Variants in IGSF9 observed in about 807,000 individuals in gnomAD.
IGSF9 encodes the protein protein turtle homolog A.
In IGSF9, 87 loss-of-function variants were observed where a neutral mutation model predicts 121.7. The ratio of observed to expected loss-of-function variants is 0.71; its 90% CI spans 0.60 to 0.85. IGSF9 has a LOEUF of 0.85. IGSF9 is among the 40% of genes least tolerant of loss of function. The pLI, the probability that IGSF9 is intolerant of heterozygous loss-of-function variation, is 0.00. For synonymous variants in IGSF9, 640 were observed against 648.4 expected (o/e 0.99, Z 0.20); for missense variants, 1,462 against 1,565.3 (o/e 0.93, Z 1.11).
chr1:159,937,162 C>A (rs1651219830), intron 4 of IGSF9, among the ~76,000 whole-genome samples: 1 of 152,198 alleles, frequency 6.6e-6, no homozygotes, highest in Non-Finnish European at 1.5e-5. Context: ...GCCAAGCCCC[C>A]TCAGGAGGAG....
rs1270865595 is a variant in IGSF9, at chr1:159,930,242, C to T, written c.2011G>A (p.Asp671Asn). ...RQGSQGWEVL[D>N]PAVAGTETEL... ...GTTTCTGTGCCTGCCACAGCCGGGTCCAGCACCTCCCAGCCCTGGGAGCCT... is the reference window on the plus strand; with the variant it reads ...GTTTCTGTGCCTGCCACAGCCGGGTTCAGCACCTCCCAGCCCTGGGAGCCT... The change falls in exon 15 of 21, where the codon GAC becomes AAC. Residue 671 changes from aspartate (D) to asparagine (N), a missense_variant. Coordinates refer to ENST00000368094, the MANE Select transcript of IGSF9 (RefSeq NM_001135050.2). The T allele has an allele frequency of 2.5e-6, 4 of 1,613,444 alleles. No homozygotes were observed. The highest frequency in any genetic ancestry group is 2.5e-6 in the Non-Finnish European group (3 of 1,179,796).
chr1:159,933,316 G>A (rs1651065945), intron 9 of IGSF9: 1 of 152,282 alleles, frequency 6.6e-6, no homozygotes, highest in East Asian at 1.9e-4. Flanking sequence ...ACAAATTCCA[G>A]TGGCTCCAAC....
rs1339963371 is a variant in IGSF9, at chr1:159,929,941, G to T, written c.2099C>A (p.Ala700Glu). The T allele has an allele frequency of 6.3e-7, 1 of 1,582,230 alleles. No individual in the cohort carries two copies. The highest frequency in any genetic ancestry group is 2.3e-5 in the East Asian group (1 of 42,996). Residue 700 changes from alanine to glutamate, a missense_variant, in exon 16 of 21, where the codon GCG (alanine) becomes GAG (glutamate). Around this residue, in one of 3 missense-constraint regions of IGSF9, gnomAD observed 808 missense variants for 815.2 expected, o/e 0.99. Transcript: ENST00000368094. ...GCTGGGGTCGCTGACGAAGCTGCCC[G>T]CGAAGGCCACGAGGCGGAACTCGTA... ...VLYEFRLVAF[A>E]GSFVSDPSNT...
intron 3 of IGSF9, among the ~76,000 whole-genome samples, chr1:159,938,465 C>T (rs1293211448): frequency 1.3e-5 from 2 of 152,182 alleles, no homozygotes; most frequent in African/African-American, 4.8e-5. Flanking sequence ...TGGCTGATCA[C>T]ATACACTTCC....
intron 3 of IGSF9, among the ~76,000 whole-genome samples, chr1:159,939,971 G>A (rs1042299524): frequency 3.9e-5 from 6 of 152,160 alleles, no homozygotes; most frequent in African/African-American, 1.2e-4. Flanking sequence ...AACCTCTTCT[G>A]TGTCCCACAT....
Position 159,928,869 on chromosome 1 carries a change from A to G in IGSF9, c.2519T>C (p.Leu840Ser). Residue 840 changes from leucine (L) to serine (S), a missense_variant, in exon 19 of 21, where the codon TTA (leucine) becomes TCA (serine). Physicochemically the swap from Leu to Ser is moderately radical, Grantham distance 145. Around this residue, in one of 3 missense-constraint regions of IGSF9, gnomAD observed 808 missense variants for 815.2 expected, o/e 0.99. Transcript: ENST00000368094. The part of the protein sequence containing the change: ...HPDPPSSRGP[L>S]PLEPICRGPD... ...GCCCCGGCAAATGGGCTCCAGAGGTAAGGGTCCCCGGCTAGATGGAGGATC... is the reference window on the plus strand; with the variant it reads ...GCCCCGGCAAATGGGCTCCAGAGGTGAGGGTCCCCGGCTAGATGGAGGATC... 6.3e-7 allele frequency: 1 copy of G among 1,590,408 alleles called. No individual in the cohort carries two copies. Among genetic ancestry groups the G allele is most frequent in the African/African-American group, 1.4e-5 (1 of 74,044 alleles).
At chr1:159,937,047 G>A (rs1021376996) in intron 4 of IGSF9, 139 bp from the exon 5 acceptor site, 3 of 800,296 alleles carry the variant, frequency 3.7e-6, no homozygotes, top group Admixed American at 5.4e-5. Context: ...TCAGCCCAGG[G>A]CCACCCTGTC....
rs1217403989 is a variant in IGSF9, at chr1:159,936,523, A to T, written c.556-7T>A. On this transcript the variant is annotated splice_region_variant and splice_polypyrimidine_tract_variant and intron_variant, in intron 5 of 20. Coordinates refer to ENST00000368094, the MANE Select transcript of IGSF9 (RefSeq NM_001135050.2). ...GCAGCGTCCCGTTCTGCACCTAGGGAAGGAGTGGGTGAGGAAGAGTCCTTT... is the reference window on the plus strand; with the variant it reads ...GCAGCGTCCCGTTCTGCACCTAGGGTAGGAGTGGGTGAGGAAGAGTCCTTT... 6.2e-7 allele frequency: 1 copy of T among 1,613,370 alleles called. No individual in the cohort carries two copies. The highest frequency in any genetic ancestry group is 8.5e-7 in the Non-Finnish European group (1 of 1,179,558).
At position 159,931,594 on chromosome 1, in the gene IGSF9, C is replaced by T. The variant is rs762089023; in HGVS notation, c.1372G>A (p.Gly458Arg). Residue 458 changes from glycine (G) to arginine (R), a missense_variant, in exon 12 of 21, where the codon GGG (glycine) becomes AGG (arginine). Physicochemically the swap from Gly to Arg is moderately radical, Grantham distance 125. Transcript: ENST00000368094. The surrounding 1 kb of genome is among the most constrained non-coding windows in gnomAD (Gnocchi z 4.8). ...PVVSWTKVGRGLQGQAQVDSN... is the reference protein window; with the variant it reads ...PVVSWTKVGRRLQGQAQVDSN... ...TCCACCTGGGCCTGGCCTTGCAGCC[C>T]CCGGCCCACCTACAGAACCACTGGT... 9 of 1,613,692 alleles carry T rather than the reference C, an allele frequency of 5.6e-6. No individual in the cohort carries two copies. The Admixed American group carries it at 1.3e-4, about 24-fold the overall frequency.
rs1407455298 is a variant in IGSF9, at chr1:159,937,692, C to T, written c.394G>A (p.Val132Ile). Residue 132 changes from valine to isoleucine, a missense_variant, in exon 4 of 21, where the codon GTC (valine) becomes ATC (isoleucine). Coordinates refer to ENST00000368094, the MANE Select transcript of IGSF9 (RefSeq NM_001135050.2). ...CTGCCCCCCAGCTTCATACAATTGA[C>T]TGTCAGATGCACCCAGGAGCCGTTA... Reference protein sequence around the residue: ...FANGSWVHLTVNSPPQFQETP... With the variant: ...FANGSWVHLTINSPPQFQETP... 1.2e-6 allele frequency: 2 copies of T among 1,613,636 alleles called. No individual in the cohort carries two copies. The highest frequency in any genetic ancestry group is 4.5e-5 in the East Asian group (2 of 44,866).
At chr1:159,940,191 TTTCC>T (rs1174277066) in intron 3 of IGSF9, among the ~76,000 whole-genome samples, 4 of 152,238 alleles carry the variant, frequency 2.6e-5, no homozygotes, top group African/African-American at 9.6e-5. Context: ...CGCGGCGTGC[TTTCC>T]ATGGACACGG....
Position 159,929,685 on chromosome 1 carries a change from A to G in IGSF9, c.2279T>C (p.Leu760Pro), listed in dbSNP as rs770743799. The change falls in exon 17 of 21, where the codon CTG becomes CCG. Residue 760 changes from leucine (L) to proline (P), a missense_variant. Leu to Pro is a moderately conservative substitution (Grantham distance 98). Around this residue, in one of 3 missense-constraint regions of IGSF9, gnomAD observed 808 missense variants for 815.2 expected, o/e 0.99. Coordinates refer to ENST00000368094, the MANE Select transcript of IGSF9 (RefSeq NM_001135050.2). ...GCGGCGGGCAGCCCTGCGCCGGTTC[A>G]GGAGGCAGCCGGCCAGGATGCTCAC... ...VLVSILAGCL[L>P]NRRRAARRRR... 7 of 1,597,326 alleles carry G rather than the reference A, an allele frequency of 4.4e-6. No homozygotes were observed. The Admixed American group carries it at 5.3e-5, about 12-fold the overall frequency.
chr1:159,934,374 C>T, intron 8 of IGSF9, 42 bp from the exon 9 acceptor site: 1 of 1,568,754 alleles, frequency 6.4e-7, no homozygotes. Flanking sequence ...GGGGCTTGGC[C>T]TGGCCCAGGG....
intron 1 of IGSF9, among the ~76,000 whole-genome samples, 200 bp downstream of exon 1, chr1:159,945,373 A>T (rs1045942998): frequency 2.7e-5 from 4 of 148,512 alleles, no homozygotes; most frequent in Admixed American, 6.7e-5. Context: ...ACTCCCCCAC[A>T]TTGCCTCCAG....
intron 3 of IGSF9, among the ~76,000 whole-genome samples, chr1:159,939,919 G>A (rs926356840): frequency 2.6e-5 from 4 of 152,138 alleles, no homozygotes; most frequent in African/African-American, 4.8e-5. Context: ...CCTCAAGAAA[G>A]CTAATCTGCC....
chr1:159,937,797 C>T lies in IGSF9; in HGVS notation c.289G>A (p.Gly97Ser). 1 of 1,614,106 alleles carries T rather than the reference C, an allele frequency of 6.2e-7. No individual in the cohort carries two copies. Among genetic ancestry groups the T allele is most frequent in the Non-Finnish European group, 8.5e-7 (1 of 1,179,980 alleles). The part of the protein sequence containing the change: ...LQKGASLQIE[G>S]LRVEDQGWYE... ...CAGCCCTGGTCTTCCACCCGGAGAC[C>T]CTCAATCTGGAGAGAGGCCCCCTTC... is the stretch of plus-strand genomic sequence containing the variant. The change falls in exon 4 of 21, where the codon GGT (glycine) becomes AGT (serine). Residue 97 changes from glycine (G) to serine (S), a missense_variant. Coordinates refer to ENST00000368094, the MANE Select transcript of IGSF9 (RefSeq NM_001135050.2).
rs539079164 is a variant in IGSF9, at chr1:159,931,516, A to G, written c.1450T>C (p.Trp484Arg). Reference protein sequence around the residue: ...RPLTKEAHGHWECSASNAVAR... With the variant: ...RPLTKEAHGHRECSASNAVAR... ...ACAGCATTGCTGGCACTGCATTCCC[A>G]GTGCCCGTGGGCCTCCTTGGTCAAT... is the stretch of plus-strand genomic sequence containing the variant. The change falls in exon 12 of 21, where the codon TGG (tryptophan) becomes CGG (arginine). Residue 484 changes from tryptophan to arginine, a missense_variant. Physicochemically the swap from Trp to Arg is moderately radical, Grantham distance 101. Around this residue, in one of 3 missense-constraint regions of IGSF9, gnomAD observed 96 missense variants for 150.7 expected, o/e 0.64. Transcript: ENST00000368094. This position sits in a 1 kb window ranked among gnomAD's most constrained non-coding sequence, Gnocchi z 4.8. 1 of 1,614,106 alleles carries G rather than the reference A, an allele frequency of 6.2e-7. No homozygotes were observed. Among genetic ancestry groups the G allele is most frequent in the South Asian group, 1.1e-5 (1 of 91,084 alleles).
rs1651244234 is a variant in IGSF9 at position 159,937,732 on chromosome 1, A to G, written c.354T>C (p.Pro118=). 1 of 1,614,056 alleles carries G rather than the reference A, an allele frequency of 6.2e-7. No individual in the cohort carries two copies. The highest frequency in any genetic ancestry group is 8.5e-7 in the Non-Finnish European group (1 of 1,179,956). The stretch of plus-strand genomic sequence containing the variant: ...AGGAGCCGTTAGCAAAATCGTCTTC[A>G]GGGATGTGCTGGTCCAGGAAGAACA... ...CRVFFLDQHI[P]EDDFANGSWV... Residue 118 remains proline (P), a synonymous_variant, in exon 4 of 21, where the codon CCT becomes CCC. Transcript: ENST00000368094.
rs1651484019 is a variant in IGSF9, at chr1:159,943,604, G to C, written c.-150C>G. On this transcript the variant is annotated 5_prime_UTR_variant, in exon 2 of 21. Coordinates refer to ENST00000368094, the MANE Select transcript of IGSF9 (RefSeq NM_001135050.2). ...CTTGGCTCATGTAACACCCGAGGAA[G>C]CTGCTCTCCGGAGAACCACCAGATC... 5.1e-6 allele frequency: 3 copies of C among 587,368 alleles called. No individual in the cohort carries two copies. Among genetic ancestry groups the C allele is most frequent in the Admixed American group, 7.9e-5 (2 of 25,428 alleles). 36.4% of individuals were successfully genotyped at this position (587,368 alleles called of 1,614,324 possible).
Sources: gnomAD v4.1 joint callset for allele counts (sites outside exome capture counted in the v4.1 genomes callset) on GRCh38, gnomAD v4.1.1 for gene constraint, gnomAD v4.1.1 regional missense constraint, Gnocchi (gnomAD v3.1) non-coding constraint, MANE v1.5 for transcripts, NCBI Gene and HGNC (gene_info 2026-07-23, HGNC 2026-07-21) for gene names.